Variants in GALNT9 observed in about 807,000 individuals in gnomAD.
The protein encoded by GALNT9 is polypeptide N-acetylgalactosaminyltransferase 9.
GALNT9 carries 47 observed loss-of-function variants against 63.1 expected under a neutral mutation model. The observed-to-expected ratio is 0.75, with a 90% CI of 0.59 to 0.95. The LOEUF is 0.95. Ranked by LOEUF, GALNT9 falls within the 40% of genes least tolerant of loss-of-function variation. GALNT9 has a pLI of 0.00. For synonymous variants in GALNT9, 396 were observed against 365.7 expected, an observed-to-expected ratio of 1.08 and a Z score of -0.94; for missense variants, 829 against 874.8, an observed-to-expected ratio of 0.95 and a Z score of 0.66.
rs1033220346 is a variant in GALNT9 at position 132,283,673 on chromosome 12, G to A, written c.419+2577C>T. 5 of 152,376 alleles carry A rather than the reference G, an allele frequency of 3.3e-5. No homozygotes were observed. In the East Asian group the frequency reaches 5.8e-4, roughly 18 times the overall value. The allele number at this position is 152,376 out of a possible 1,614,324, so 9.4% of individuals were successfully genotyped here. On this transcript the variant is annotated intron_variant, in intron 2 of 10. Transcript: ENST00000328957. ...CAGCCCAGTGAGGACCATGGTCACC[G>A]AGGCTCGGGGGCTCCTGGCTGGCCT...
At chr12:132,204,267 C>G (rs749559203) in intron 6 of GALNT9, among the ~76,000 whole-genome samples, 2 of 151,744 alleles carry the variant, frequency 1.3e-5, no homozygotes, top group Non-Finnish European at 2.9e-5. Context: ...CCTTCCGTGT[C>G]GTTCCACTTA....
chr12:132,227,880 A>G (rs1470401421), intron 6 of GALNT9, among the ~76,000 whole-genome samples: 2 of 151,928 alleles, frequency 1.3e-5, no homozygotes, highest in Non-Finnish European at 2.9e-5. Flanking sequence ...GTGCAAATGG[A>G]CAGAGACCTC....
intron 2 of GALNT9, chr12:132,278,045 C>T (rs1177057245): frequency 1.4e-5 from 2 of 143,402 alleles, no homozygotes. Flanking sequence ...TTCTAAACTC[C>T]TCCTCCCCAT....
intron 6 of GALNT9, among the ~76,000 whole-genome samples, chr12:132,216,611 T>C (rs1225114883): frequency 6.6e-6 from 1 of 152,232 alleles, no homozygotes; most frequent in African/African-American, 2.4e-5. Flanking sequence ...TGGTCTCCGC[T>C]GGGTGTCTTC....
At position 132,247,936 on chromosome 12, in the gene GALNT9, C is replaced by T. The variant is rs782326537; in HGVS notation, c.1051G>A (p.Gly351Ser). Residue 351 changes from glycine to serine, a missense_variant, in exon 6 of 11, where the codon GGC becomes AGC. Gly to Ser is a moderately conservative substitution (Grantham distance 56). Transcript: ENST00000328957. ...CTCATGCCCAGTTCTACGTTCTCGC[C>T]GCCATACACCTCCATGCCGGGGTCC... ...LLDPGMEVYG[G>S]ENVELGMRVW... is the part of the protein sequence containing the mutation. 17 of 1,551,420 alleles carry T rather than the reference C, an allele frequency of 1.1e-5. No individual in the cohort carries two copies. Among genetic ancestry groups the T allele is most frequent in the East Asian group, 2.4e-5 (1 of 40,944 alleles).
At chr12:132,221,702 T>C (rs1453716550) in intron 6 of GALNT9, among the ~76,000 whole-genome samples, 7 of 136,438 alleles carry the variant, frequency 5.1e-5, no homozygotes, top group Admixed American at 1.5e-4. Context: ...AGATGGACAA[T>C]GTATGCAACG....
intron 6 of GALNT9, among the ~76,000 whole-genome samples, chr12:132,243,655 C>T (rs1878565534): frequency 6.6e-6 from 1 of 152,146 alleles, no homozygotes; most frequent in African/African-American, 2.4e-5. Context: ...CCCACTCTGC[C>T]TCTCAGGCTT....
intron 1 of GALNT9, among the ~76,000 whole-genome samples, chr12:132,320,300 G>A (rs1868723060): frequency 6.6e-6 from 1 of 152,212 alleles, no homozygotes; most frequent in South Asian, 2.1e-4. Context: ...TCACTTCCCG[G>A]GTTCCGATTC....
At chr12:132,311,016 G>A (rs574420380) in intron 1 of GALNT9, among the ~76,000 whole-genome samples, 13 of 152,282 alleles carry the variant, frequency 8.5e-5, no homozygotes, top group African/African-American at 2.4e-4. Flanking sequence ...CCATAATTGC[G>A]GCCTCTGTGA....
chr12:132,230,914 G>C (rs1877866430), intron 6 of GALNT9, among the ~76,000 whole-genome samples: 1 of 152,240 alleles, frequency 6.6e-6, no homozygotes, highest in Non-Finnish European at 1.5e-5. Context: ...GTGAGACTCT[G>C]CTGAGCCTCA....
intron 6 of GALNT9, among the ~76,000 whole-genome samples, chr12:132,211,229 C>G (rs935150872): frequency 6.6e-6 from 1 of 152,206 alleles, no homozygotes; most frequent in African/African-American, 2.4e-5. Flanking sequence ...CTTCCACAAC[C>G]AGCAGGATGC....
intron 6 of GALNT9, among the ~76,000 whole-genome samples, chr12:132,205,092 C>G (rs1876572288): frequency 6.6e-6 from 1 of 152,190 alleles, no homozygotes; most frequent in African/African-American, 2.4e-5. Context: ...TCAGTCATCC[C>G]TGGACTCTGG....
chr12:132,249,983 C>A (rs1284975187), intron 5 of GALNT9, among the ~76,000 whole-genome samples: 1 of 151,484 alleles, frequency 6.6e-6, no homozygotes, highest in African/African-American at 2.4e-5. Context: ...CAGTTCTCAG[C>A]TTCCGGGGCC....
intron 1 of GALNT9, among the ~76,000 whole-genome samples, chr12:132,328,404 A>G (rs782340790): frequency 2.0e-5 from 3 of 152,268 alleles, no homozygotes; most frequent in Admixed American, 6.5e-5. Context: ...AGCTTCTCCC[A>G]TAACAACTTT....
chr12:132,254,191 T>C (rs1192593012), intron 5 of GALNT9, among the ~76,000 whole-genome samples: 2 of 152,074 alleles, frequency 1.3e-5, no homozygotes, highest in Non-Finnish European at 2.9e-5. Context: ...CCTGCGAATT[T>C]TTGTATTTTT....
At chr12:132,302,107 C>A (rs1233914140) in intron 1 of GALNT9, among the ~76,000 whole-genome samples, 1 of 152,160 alleles carries the variant, frequency 6.6e-6, no homozygotes, top group Non-Finnish European at 1.5e-5. Flanking sequence ...GGTGCCAAGT[C>A]ATTTTCCAGA....
At chr12:132,228,939 G>A (rs955584918) in intron 6 of GALNT9, among the ~76,000 whole-genome samples, 2 of 152,200 alleles carry the variant, frequency 1.3e-5, no homozygotes, top group East Asian at 1.9e-4. Flanking sequence ...GCCCCAAGAC[G>A]GGAGAATTAC....
chr12:132,216,121 AAC>A (rs1192558331), intron 6 of GALNT9, among the ~76,000 whole-genome samples: 1 of 147,688 alleles, frequency 6.8e-6, no homozygotes, highest in African/African-American at 2.4e-5. Context: ...GAGACACAGA[AAC>A]AGAGACAGAA....
At chr12:132,211,674 G>T (rs980586211) in intron 6 of GALNT9, among the ~76,000 whole-genome samples, 4 of 152,210 alleles carry the variant, frequency 2.6e-5, no homozygotes, top group Admixed American at 1.3e-4. Context: ...AAAGGCAGCA[G>T]GCCCAGAGCT....
Sources: gnomAD v4.1 joint callset for allele counts (sites outside exome capture counted in the v4.1 genomes callset) on GRCh38, gnomAD v4.1.1 for gene constraint, MANE v1.5 for transcripts, NCBI Gene and HGNC (gene_info 2026-07-23, HGNC 2026-07-21) for gene names.